Variants in KSR2 observed in about 807,000 individuals in gnomAD.
KSR2 encodes the protein kinase suppressor of ras 2.
A neutral mutation model predicts 107.8 loss-of-function variants in KSR2; 25 were observed. That is an observed-to-expected ratio of 0.23 (90% CI 0.17 to 0.32). The LOEUF (loss-of-function observed/expected upper bound fraction) is 0.32, where lower values mean the gene tolerates loss of function less well. Ranked by LOEUF, KSR2 falls within the 10% of genes least tolerant of loss-of-function variation. The pLI, the probability that KSR2 is intolerant of heterozygous loss-of-function variation, is 1.00. For missense variants in KSR2, 887 were observed against 1,268.9 expected (o/e 0.70, Z 4.57); for synonymous variants, 480 against 507.0 (o/e 0.95, Z 0.71).
At chr12:117,740,570 A>ATATATATTATATATT in intron 4 of KSR2, among the ~76,000 whole-genome samples, 1 of 122,978 alleles carries the variant, frequency 8.1e-6, no homozygotes, top group Non-Finnish European at 1.6e-5. Context: ...TGAATATATA[A>ATATATATTATATATT]CATATATTAT....
intron 5 of KSR2, among the ~76,000 whole-genome samples, chr12:117,622,690 C>T (rs1049218410): frequency 6.6e-6 from 1 of 152,102 alleles, no homozygotes; most frequent in Admixed American, 6.6e-5. Flanking sequence ...TGCCATAAAG[C>T]TTCAATTCAA....
chr12:117,469,607 T>C lies in KSR2; in HGVS notation c.2846+55A>G, dbSNP rs1871321142. On this transcript the variant is annotated intron_variant, in intron 19 of 19. Transcript: ENST00000339824. ...AAAGATGCAGAGGGGATCAAAAAGG[T>C]GACAAAGGGCAGAGGACAAGGCAGT... The C allele has an allele frequency of 1.9e-6, 3 of 1,586,468 alleles. No individual in the cohort carries two copies. The East Asian group carries it at 6.8e-5, about 36-fold the overall frequency.
At chr12:117,721,159 G>T (rs1887190800) in intron 4 of KSR2, among the ~76,000 whole-genome samples, 2 of 152,120 alleles carry the variant, frequency 1.3e-5, no homozygotes, top group Admixed American at 6.5e-5. Context: ...TGCCCTCAGT[G>T]GTGCTACTAG....
intron 5 of KSR2, among the ~76,000 whole-genome samples, chr12:117,633,674 T>C (rs1320567729): frequency 1.3e-5 from 2 of 152,180 alleles, no homozygotes; most frequent in Non-Finnish European, 2.9e-5. Flanking sequence ...TTCCTGTGTC[T>C]TTTTGCAAGG....
intron 4 of KSR2, among the ~76,000 whole-genome samples, chr12:117,721,882 T>C (rs1462019967): frequency 6.6e-6 from 1 of 152,200 alleles, no homozygotes; most frequent in Non-Finnish European, 1.5e-5. Context: ...ATGGGGGATC[T>C]ATTAGTTAGA....
chr12:117,565,300 C>A (rs925104784), intron 7 of KSR2, among the ~76,000 whole-genome samples: 3 of 152,194 alleles, frequency 2.0e-5, no homozygotes, highest in African/African-American at 7.2e-5. Flanking sequence ...TTGTTCCATG[C>A]CAGCTAACTT....
chr12:117,952,411 G>A (rs1896391874), intron 1 of KSR2, among the ~76,000 whole-genome samples: 1 of 152,088 alleles, frequency 6.6e-6, no homozygotes, highest in South Asian at 2.1e-4. Flanking sequence ...CACTTTGGGA[G>A]GCCAAGGTGG....
chr12:117,821,983 T>C (rs1384850124), intron 3 of KSR2, among the ~76,000 whole-genome samples: 1 of 152,210 alleles, frequency 6.6e-6, no homozygotes, highest in African/African-American at 2.4e-5. Context: ...CATAAAGATC[T>C]TCCTGATAAA....
chr12:117,506,309 T>A (rs189549821), intron 14 of KSR2, among the ~76,000 whole-genome samples: 9 of 152,350 alleles, frequency 5.9e-5, no homozygotes, highest in Non-Finnish European at 1.3e-4. Flanking sequence ...CTGGAAGAAT[T>A]AGACTATGGA....
At chr12:117,910,691 G>A (rs983569869) in intron 1 of KSR2, among the ~76,000 whole-genome samples, 2 of 152,200 alleles carry the variant, frequency 1.3e-5, no homozygotes, top group Non-Finnish European at 1.5e-5. Flanking sequence ...TCTTGTTATG[G>A]TGCAGTATTA....
intron 3 of KSR2, among the ~76,000 whole-genome samples, chr12:117,796,322 G>A (rs1890627337): frequency 6.6e-6 from 1 of 152,168 alleles, no homozygotes; most frequent in South Asian, 2.1e-4. Flanking sequence ...TGTGTAAATT[G>A]GGGAGAATAA....
At chr12:117,666,782 A>C (rs1204949600) in intron 5 of KSR2, among the ~76,000 whole-genome samples, 1 of 152,208 alleles carries the variant, frequency 6.6e-6, no homozygotes, top group Non-Finnish European at 1.5e-5. Context: ...TCTTGGCTGG[A>C]GGACTGGCTG....
intron 3 of KSR2, among the ~76,000 whole-genome samples, chr12:117,778,601 T>C (rs1889775409): frequency 6.6e-6 from 1 of 152,208 alleles, no homozygotes; most frequent in African/African-American, 2.4e-5. Flanking sequence ...CTTATCTTGA[T>C]CCTGCCTCTT....
chr12:117,467,911 A>AGG (rs5801230), intron 19 of KSR2: 2 of 366,444 alleles, frequency 5.5e-6, no homozygotes, highest in Non-Finnish European at 1.0e-5. Flanking sequence ...GCTAGACCAC[A>AGG]GTCCTGTGTT....
intron 1 of KSR2, among the ~76,000 whole-genome samples, chr12:117,947,216 A>G (rs554199953): frequency 4.4e-5 from 4 of 90,250 alleles, no homozygotes; most frequent in South Asian, 7.5e-4. Context: ...AAAGAAAGAA[A>G]GAAAGAAAGA....
chr12:117,713,527 T>C (rs976490945), intron 4 of KSR2, among the ~76,000 whole-genome samples: 1 of 152,166 alleles, frequency 6.6e-6, no homozygotes, highest in African/African-American at 2.4e-5. Context: ...GGGACTAAAA[T>C]TGGGGCAGGA....
At chr12:117,577,029 T>C (rs1030278612) in intron 7 of KSR2, among the ~76,000 whole-genome samples, 4 of 152,124 alleles carry the variant, frequency 2.6e-5, no homozygotes, top group Admixed American at 2.0e-4. Flanking sequence ...AACCTTATCA[T>C]TACTCAGGTG....
chr12:117,794,021 C>T (rs1252950688), intron 3 of KSR2, among the ~76,000 whole-genome samples: 1 of 40,938 alleles, frequency 2.4e-5, no homozygotes, highest in Non-Finnish European at 4.3e-5. Flanking sequence ...CATGCACACT[C>T]ACACCAACAT....
At chr12:117,471,744 A>G (rs1871471448) in intron 17 of KSR2, among the ~76,000 whole-genome samples, 1 of 152,202 alleles carries the variant, frequency 6.6e-6, no homozygotes, top group South Asian at 2.1e-4. Flanking sequence ...CATAAAATAA[A>G]ATGAAATGCT....
Sources: allele counts gnomAD v4.1 joint callset (sites outside exome capture counted in the v4.1 genomes callset), GRCh38; gene constraint gnomAD v4.1.1; transcripts MANE v1.5; gene names NCBI Gene and HGNC (gene_info 2026-07-23, HGNC 2026-07-21).